The following SLC35F1 variants were observed in gnomAD, a reference collection of about 807,000 sequenced individuals.
The protein encoded by SLC35F1 is chromosome 6 open reading frame 169.
A neutral mutation model predicts 48.7 loss-of-function variants in SLC35F1; 14 were observed. That is an observed-to-expected ratio of 0.29 (90% CI 0.19 to 0.45). The LOEUF is 0.45. Ranked by LOEUF, SLC35F1 falls within the 20% of genes least tolerant of loss-of-function variation. SLC35F1 has a pLI of 1.00. For missense variants in SLC35F1, 404 were observed against 500.0 expected, an observed-to-expected ratio of 0.81 and a Z score of 1.83; for synonymous variants, 190 against 202.2, an observed-to-expected ratio of 0.94 and a Z score of 0.51.
intron 7 of SLC35F1, among the ~76,000 whole-genome samples, chr6:118,301,263 G>A (rs1220186293): frequency 6.6e-6 from 1 of 152,146 alleles, no homozygotes; most frequent in Admixed American, 6.6e-5. Context: ...ACATTATCTA[G>A]AAATTTTCAT....
At chr6:118,229,084 CTG>C (rs1775256003) in intron 2 of SLC35F1, among the ~76,000 whole-genome samples, 1 of 151,846 alleles carries the variant, frequency 6.6e-6, no homozygotes, top group Non-Finnish European at 1.5e-5. Context: ...TGGATGTGGA[CTG>C]TGTTTCAGCC....
chr6:118,305,331 C>T (rs944243576), intron 7 of SLC35F1, among the ~76,000 whole-genome samples: 40 of 151,772 alleles, frequency 2.6e-4, no homozygotes, highest in Non-Finnish European at 5.2e-4. Context: ...ATCTGTTTTA[C>T]TCAAAGTCTA....
chr6:118,045,726 C>A (rs1179319070), intron 1 of SLC35F1, among the ~76,000 whole-genome samples: 1 of 152,100 alleles, frequency 6.6e-6, no homozygotes, highest in East Asian at 1.9e-4. Context: ...AGATAGATCA[C>A]CTTTTATACT....
intron 1 of SLC35F1, among the ~76,000 whole-genome samples, chr6:118,102,712 C>T (rs1490158072): frequency 6.6e-6 from 1 of 152,218 alleles, no homozygotes; most frequent in East Asian, 1.9e-4. Flanking sequence ...AATTCCTCCT[C>T]TCCTCCCTGA....
chr6:118,084,747 C>A (rs1562284918), intron 1 of SLC35F1, among the ~76,000 whole-genome samples: 1 of 151,888 alleles, frequency 6.6e-6, no homozygotes, highest in Non-Finnish European at 1.5e-5. Context: ...AGATTTAGGG[C>A]AGGGGTCGGA....
intron 1 of SLC35F1, among the ~76,000 whole-genome samples, chr6:118,067,994 G>A (rs933361081): frequency 2.6e-5 from 4 of 152,170 alleles, no homozygotes; most frequent in African/African-American, 2.4e-5. Flanking sequence ...TGGAGGTCAT[G>A]GGAGGCAGGC....
chr6:118,051,582 T>C (rs1772392851), intron 1 of SLC35F1, among the ~76,000 whole-genome samples: 1 of 152,146 alleles, frequency 6.6e-6, no homozygotes, highest in Non-Finnish European at 1.5e-5. Flanking sequence ...AGGGTGGGGT[T>C]ATGAAAAAAT....
At chr6:117,946,888 T>G (rs1053783666) in intron 1 of SLC35F1, among the ~76,000 whole-genome samples, 5 of 152,236 alleles carry the variant, frequency 3.3e-5, no homozygotes, top group African/African-American at 1.2e-4. Flanking sequence ...TACTGGTTCA[T>G]GCATTCATTT....
intron 3 of SLC35F1, among the ~76,000 whole-genome samples, chr6:118,252,844 G>A (rs1008402196): frequency 6.6e-6 from 1 of 152,142 alleles, no homozygotes; most frequent in South Asian, 2.1e-4. Context: ...GTGTTTCAAG[G>A]GGAAGTGTGA....
intron 1 of SLC35F1, among the ~76,000 whole-genome samples, chr6:118,069,121 A>T (rs1405490485): frequency 6.6e-6 from 1 of 152,158 alleles, no homozygotes; most frequent in African/African-American, 2.4e-5. Context: ...TTTAATTATT[A>T]TTTCAAATTC....
intron 1 of SLC35F1, among the ~76,000 whole-genome samples, chr6:118,009,211 A>G (rs561671572): frequency 6.6e-6 from 1 of 152,308 alleles, no homozygotes; most frequent in African/African-American, 2.4e-5. Context: ...AGAACACAAC[A>G]GATCTGGCTT....
chr6:118,275,637 T>C (rs1775910256), intron 5 of SLC35F1, 22 bp downstream of exon 5: 2 of 1,610,246 alleles, frequency 1.2e-6, no homozygotes, highest in Non-Finnish European at 1.7e-6. Flanking sequence ...TAACAAGAAA[T>C]ATAGATAGTA....
At chr6:118,283,905 CTACACGTAGGACTTT>C (rs1207650374) in intron 6 of SLC35F1, among the ~76,000 whole-genome samples, 1 of 152,172 alleles carries the variant, frequency 6.6e-6, no homozygotes, top group African/African-American at 2.4e-5. Flanking sequence ...GCGATAGAAT[CTACACGTAGGACTTT>C]TACCTTTCCG....
chr6:118,031,306 A>G (rs918749368), intron 1 of SLC35F1, among the ~76,000 whole-genome samples: 3 of 152,162 alleles, frequency 2.0e-5, no homozygotes, highest in Admixed American at 1.3e-4. Context: ...ATGAAATACT[A>G]CTTTCAAGGG....
intron 1 of SLC35F1, among the ~76,000 whole-genome samples, chr6:117,975,898 C>T (rs919152201): frequency 2.0e-5 from 3 of 152,168 alleles, no homozygotes; most frequent in Non-Finnish European, 4.4e-5. Flanking sequence ...CTGCTTTTTA[C>T]ATGTGAGCAC....
chr6:118,210,542 T>G (rs757787413), intron 2 of SLC35F1, among the ~76,000 whole-genome samples: 10 of 152,196 alleles, frequency 6.6e-5, no homozygotes, highest in Non-Finnish European at 1.5e-4. Flanking sequence ...TAACTTAGGA[T>G]CTGATTTCCA....
At chr6:118,265,308 C>A (rs1169780718) in intron 3 of SLC35F1, among the ~76,000 whole-genome samples, 1 of 152,162 alleles carries the variant, frequency 6.6e-6, no homozygotes, top group African/African-American at 2.4e-5. Flanking sequence ...CATTAAAAAT[C>A]TTTGTATATA....
At chr6:118,114,317 G>T (rs1253572951) in intron 1 of SLC35F1, among the ~76,000 whole-genome samples, 2 of 151,996 alleles carry the variant, frequency 1.3e-5, no homozygotes, top group African/African-American at 4.8e-5. Context: ...TCATGTTCTT[G>T]GAATATTTTA....
At chr6:118,286,732 A>T (rs754733211) in intron 7 of SLC35F1, among the ~76,000 whole-genome samples, 17 of 152,040 alleles carry the variant, frequency 1.1e-4, no homozygotes, top group Non-Finnish European at 2.2e-4. Flanking sequence ...GTTCACCACA[A>T]TCAAGCTAAT....
Sources: gnomAD v4.1 joint callset for allele counts (sites outside exome capture counted in the v4.1 genomes callset) on GRCh38, gnomAD v4.1.1 for gene constraint, MANE v1.5 for transcripts, NCBI Gene and HGNC (gene_info 2026-07-23, HGNC 2026-07-21) for gene names.